Variants in ADAMTS12 observed in about 807,000 individuals in gnomAD.
ADAMTS12 encodes ADAM metallopeptidase with thrombospondin type 1 motif 12.
Under a neutral mutation model 167.8 loss-of-function variants are expected in ADAMTS12, and 118 were observed. The observed-to-expected ratio is 0.70, with a 90% confidence interval of 0.61 to 0.82. ADAMTS12 has a LOEUF of 0.82. Ranked by LOEUF, ADAMTS12 falls within the 40% of genes least tolerant of loss-of-function variation. The pLI is 0.00. For missense variants in ADAMTS12, 1,916 were observed against 1,998.8 expected, an observed-to-expected ratio of 0.96 and a Z score of 0.79; for synonymous variants, 704 against 716.9, an observed-to-expected ratio of 0.98 and a Z score of 0.29.
chr5:33,588,726 G>T lies in ADAMTS12; in HGVS notation c.2738C>A (p.Thr913Asn). 3 of 1,614,178 alleles carry T rather than the reference G, an allele frequency of 1.9e-6. No homozygotes were observed. Among genetic ancestry groups the T allele is most frequent in the Non-Finnish European group, 2.5e-6 (3 of 1,180,034 alleles). The change falls in exon 18 of 24, where the codon ACC (threonine) becomes AAC (asparagine). Residue 913 changes from threonine to asparagine, a missense_variant. Thr to Asn is a moderately conservative substitution (Grantham distance 65). Coordinates refer to ENST00000504830, the MANE Select transcript of ADAMTS12 (RefSeq NM_030955.4). ...GAGAGCCTGCTCGTCAGAGACCATG[G>T]TCTGGATGCACAGCACGGTTCGCTT... The part of the protein sequence containing the change: ...EKKRTVLCIQ[T>N]MVSDEQALPP...
chr5:33,695,478 T>C (rs1226223024), intron 3 of ADAMTS12, among the ~76,000 whole-genome samples: 1 of 152,228 alleles, frequency 6.6e-6, no homozygotes, highest in African/African-American at 2.4e-5. Context: ...AAATAAAATG[T>C]CGTATATACA....
At chr5:33,689,764 G>A (rs558249676) in intron 3 of ADAMTS12, among the ~76,000 whole-genome samples, 33 of 152,272 alleles carry the variant, frequency 2.2e-4, no homozygotes, top group Middle Eastern at 3.4e-3. Flanking sequence ...CTGTGACCTT[G>A]GACAAATATT....
intron 13 of ADAMTS12, among the ~76,000 whole-genome samples, chr5:33,627,935 A>T (rs545137891): frequency 1.3e-4 from 18 of 138,876 alleles, no homozygotes; most frequent in Admixed American, 1.1e-3. Context: ...GATTGAAGAC[A>T]TTGACTTTGT....
At chr5:33,821,385 T>C (rs951007702) in intron 2 of ADAMTS12, among the ~76,000 whole-genome samples, 1 of 152,192 alleles carries the variant, frequency 6.6e-6, no homozygotes, top group African/African-American at 2.4e-5. Flanking sequence ...CATTTCTCTA[T>C]TTTTTGGCAT....
chr5:33,791,363 T>C (rs1180855528), intron 2 of ADAMTS12, among the ~76,000 whole-genome samples: 1 of 152,180 alleles, frequency 6.6e-6, no homozygotes, highest in African/African-American at 2.4e-5. Flanking sequence ...TCTCCAACTG[T>C]AAAATAAGGG....
chr5:33,550,089 T>C (rs1455164108), intron 20 of ADAMTS12, among the ~76,000 whole-genome samples: 1 of 152,106 alleles, frequency 6.6e-6, no homozygotes, highest in Non-Finnish European at 1.5e-5. Context: ...CAGGCCCTAC[T>C]CACTCCCTTC....
chr5:33,620,899 AC>A (rs1294577256), intron 14 of ADAMTS12, among the ~76,000 whole-genome samples: 2 of 152,096 alleles, frequency 1.3e-5, no homozygotes, highest in South Asian at 2.1e-4. Context: ...ATTTGGTTCG[AC>A]CCCGTGTTAT....
chr5:33,544,490 T>G (rs1325345654), intron 22 of ADAMTS12, among the ~76,000 whole-genome samples: 1 of 152,172 alleles, frequency 6.6e-6, no homozygotes, highest in African/African-American at 2.4e-5. Flanking sequence ...ATGACTTTCT[T>G]CACAGAATTG....
chr5:33,616,194 G>T lies in ADAMTS12; in HGVS notation c.2144-122C>A, dbSNP rs886677152. 14 of 1,368,298 alleles carry T rather than the reference G, an allele frequency of 1.0e-5. No individual in the cohort carries two copies. The African/African-American group carries it at 1.9e-4, about 18-fold the overall frequency. 84.8% of individuals were successfully genotyped at this position (1,368,298 alleles called of 1,614,324 possible). ...CCATCATTTAGTGACCTTGCTGGGT[G>T]GCCACTGGAATTGGCAGAAGCACTA... is the stretch of plus-strand genomic sequence containing the variant. On this transcript the variant is annotated intron_variant, in intron 14 of 23. Transcript: ENST00000504830.
intron 5 of ADAMTS12, among the ~76,000 whole-genome samples, chr5:33,664,552 A>T (rs7735589): frequency 0.21 from 31,352 of 152,174 alleles, 3,593 homozygotes; most frequent in African/African-American, 0.29. Context: ...ACATATAAAA[A>T]TTCAACATCA....
intron 9 of ADAMTS12, among the ~76,000 whole-genome samples, chr5:33,648,143 A>C (rs576517983): frequency 1.2e-4 from 18 of 152,358 alleles, no homozygotes; most frequent in East Asian, 1.2e-3. Context: ...CAAATCACGA[A>C]GGACTGCCTC....
At chr5:33,689,040 G>A (rs1048041439) in intron 3 of ADAMTS12, among the ~76,000 whole-genome samples, 3 of 152,074 alleles carry the variant, frequency 2.0e-5, no homozygotes, top group African/African-American at 7.2e-5. Flanking sequence ...CCACCTTTCT[G>A]TCACCACTTC....
At chr5:33,592,225 G>A (rs113349612) in intron 17 of ADAMTS12, among the ~76,000 whole-genome samples, 11,255 of 151,308 alleles carry the variant, frequency 0.074, 477 homozygotes, top group Middle Eastern at 0.099. Flanking sequence ...GCGAAACTCC[G>A]TCTCAAAACA....
chr5:33,773,654 T>C (rs1368397739), intron 2 of ADAMTS12, among the ~76,000 whole-genome samples: 1 of 152,188 alleles, frequency 6.6e-6, no homozygotes, highest in Non-Finnish European at 1.5e-5. Context: ...AAAGATCATA[T>C]AGATCAGCTT....
intron 2 of ADAMTS12, among the ~76,000 whole-genome samples, chr5:33,787,661 TAGC>T (rs755085950): frequency 6.6e-6 from 1 of 152,154 alleles, no homozygotes; most frequent in Non-Finnish European, 1.5e-5. Flanking sequence ...TACCTGTCCA[TAGC>T]AGGCCATTTT....
rs554275970 is a variant in ADAMTS12, at chr5:33,585,818, G to A, written c.2865+2781C>T. 1.8e-4 allele frequency among the ~76,000 whole-genome samples: 28 copies of A among 152,316 alleles called. No homozygotes were observed. In the South Asian group the frequency reaches 5.6e-3, roughly 30 times the overall value. On this transcript the variant is annotated intron_variant, in intron 18 of 23. Coordinates refer to ENST00000504830, the MANE Select transcript of ADAMTS12 (RefSeq NM_030955.4). ...GGGGCAGGAAAGCCTGTCTGGGGCA[G>A]CAGGGGAGAGAGCTCCCCTTTCTGA...
At chr5:33,589,958 A>T (rs1229087296) in intron 17 of ADAMTS12, among the ~76,000 whole-genome samples, 2 of 152,190 alleles carry the variant, frequency 1.3e-5, no homozygotes, top group African/African-American at 2.4e-5. Flanking sequence ...CCTCAATTCA[A>T]TCATATTCTT....
intron 2 of ADAMTS12, among the ~76,000 whole-genome samples, chr5:33,769,121 A>G (rs1001271646): frequency 1.4e-4 from 21 of 152,070 alleles, no homozygotes; most frequent in African/African-American, 4.8e-4. Flanking sequence ...GGCTTGGAAG[A>G]TGGAGAAATG....
At chr5:33,806,058 A>G (rs1305234267) in intron 2 of ADAMTS12, among the ~76,000 whole-genome samples, 1 of 152,216 alleles carries the variant, frequency 6.6e-6, no homozygotes, top group Non-Finnish European at 1.5e-5. Flanking sequence ...ACTTTTTTAC[A>G]ATTTCAAGTA....
Sources: allele counts gnomAD v4.1 joint callset (sites outside exome capture counted in the v4.1 genomes callset), GRCh38; gene constraint gnomAD v4.1.1; transcripts MANE v1.5; gene names NCBI Gene and HGNC (gene_info 2026-07-23, HGNC 2026-07-21).